Variants in PARD3 observed in about 807,000 individuals in gnomAD.
PARD3 encodes the protein par-3 family cell polarity regulator.
PARD3 carries 75 observed loss-of-function variants against 155.4 expected under a neutral mutation model. The ratio of observed to expected loss-of-function variants is 0.48; its 90% CI spans 0.40 to 0.58. PARD3 has a LOEUF of 0.58. PARD3 is among the 20% of genes least tolerant of loss of function. The probability of loss-of-function intolerance (pLI) is 0.00; values close to 1 mark genes in which losing one functional copy is unlikely to be tolerated. For synonymous variants in PARD3, 576 were observed against 610.5 expected, an observed-to-expected ratio of 0.94 and a Z score of 0.83; for missense variants, 1,642 against 1,721.7, an observed-to-expected ratio of 0.95 and a Z score of 0.82.
chr10:34,509,058 A>ACACTCTATATTACAAAGGAGTAT (rs2081252580), intron 3 of PARD3, among the ~76,000 whole-genome samples: 3 of 152,192 alleles, frequency 2.0e-5, no homozygotes, highest in Admixed American at 6.6e-5. Context: ...TGAAATGTAA[A>ACACTCTATATTACAAAGGAGTAT]CACTCTATAT....
chr10:34,516,546 G>A (rs954683530), intron 3 of PARD3, among the ~76,000 whole-genome samples: 2 of 152,078 alleles, frequency 1.3e-5, no homozygotes, highest in Non-Finnish European at 2.9e-5. Flanking sequence ...AGATAACTTT[G>A]ACACGGCGGT....
At chr10:34,161,397 A>G (rs1310181947) in intron 22 of PARD3, among the ~76,000 whole-genome samples, 3 of 152,106 alleles carry the variant, frequency 2.0e-5, no homozygotes, top group African/African-American at 4.8e-5. Context: ...TAAACATTAC[A>G]CTGTTACTCA....
At chr10:34,360,344 C>A in intron 12 of PARD3, 85 bp from the exon 13 acceptor site, 2 of 967,968 alleles carry the variant, frequency 2.1e-6, no homozygotes, top group Non-Finnish European at 1.6e-6. Flanking sequence ...ATGAGCAGTT[C>A]CTTAATCATA....
chr10:34,339,468 G>T (rs920722004), intron 16 of PARD3, among the ~76,000 whole-genome samples: 1 of 152,138 alleles, frequency 6.6e-6, no homozygotes, highest in African/African-American at 2.4e-5. Context: ...GTTGGTAAAA[G>T]ATTTTTCAAA....
intron 2 of PARD3, among the ~76,000 whole-genome samples, chr10:34,634,888 A>G (rs1381117674): frequency 6.6e-6 from 1 of 152,212 alleles, no homozygotes; most frequent in African/African-American, 2.4e-5. Flanking sequence ...GAATCTGAAC[A>G]TGAATGAGGT....
chr10:34,234,255 A>G (rs116929749), intron 22 of PARD3, among the ~76,000 whole-genome samples: 194 of 149,448 alleles, frequency 1.3e-3, no homozygotes, highest in Non-Finnish European at 2.4e-3. Flanking sequence ...GGCTGATACA[A>G]CTACTTTGTA....
chr10:34,692,900 C>T (rs945199861), intron 2 of PARD3, among the ~76,000 whole-genome samples: 6 of 152,210 alleles, frequency 3.9e-5, no homozygotes, highest in East Asian at 3.9e-4. Flanking sequence ...AGAACAAGAA[C>T]AGACGCTTTT....
chr10:34,722,767 T>C (rs1469221477), intron 1 of PARD3, among the ~76,000 whole-genome samples: 1 of 152,234 alleles, frequency 6.6e-6, no homozygotes, highest in Non-Finnish European at 1.5e-5. Context: ...CAAAACACAG[T>C]ATCTTCTTTA....
At chr10:34,153,654 G>A (rs952729157) in intron 22 of PARD3, among the ~76,000 whole-genome samples, 1 of 152,104 alleles carries the variant, frequency 6.6e-6, no homozygotes, top group African/African-American at 2.4e-5. Flanking sequence ...TAATTCAAAC[G>A]TCTTGTAGAA....
At chr10:34,469,134 G>C (rs1202100056) in intron 4 of PARD3, among the ~76,000 whole-genome samples, 1 of 152,188 alleles carries the variant, frequency 6.6e-6, no homozygotes, top group African/African-American at 2.4e-5. Flanking sequence ...TTGTTGAGAT[G>C]GAGTCTCACT....
chr10:34,666,816 T>TATATATATATACAC (rs765552982), intron 2 of PARD3, among the ~76,000 whole-genome samples: 7 of 88,802 alleles, frequency 7.9e-5, no homozygotes, highest in African/African-American at 1.9e-4. Context: ...TATATATATA[T>TATATATATATACAC]ACACACACAC....
intron 2 of PARD3, among the ~76,000 whole-genome samples, chr10:34,589,636 CA>C (rs35357373): frequency 0.076 from 6,402 of 84,170 alleles, 330 homozygotes; most frequent in African/African-American, 0.24. Context: ...AGTACATGTC[CA>C]AAAAAAAAAA....
intron 22 of PARD3, among the ~76,000 whole-genome samples, chr10:34,227,851 AT>A (rs995113507): frequency 0.023 from 767 of 32,776 alleles, 28 homozygotes; most frequent in Non-Finnish European, 0.036. Context: ...AATGGGAATT[AT>A]TTTTTATATA....
At chr10:34,768,793 C>T (rs564735664) in intron 1 of PARD3, among the ~76,000 whole-genome samples, 3 of 152,340 alleles carry the variant, frequency 2.0e-5, no homozygotes, top group African/African-American at 4.8e-5. Flanking sequence ...TCCTTGGCTG[C>T]CAGCCCTGGC....
intron 17 of PARD3, among the ~76,000 whole-genome samples, chr10:34,336,998 TAAAG>T (rs376216071): frequency 5.9e-5 from 9 of 152,272 alleles, no homozygotes; most frequent in African/African-American, 2.2e-4. Context: ...TTTTGTAAAA[TAAAG>T]ATACATGGAC....
At chr10:34,325,338 C>A (rs1481432397) in intron 19 of PARD3, among the ~76,000 whole-genome samples, 1 of 152,128 alleles carries the variant, frequency 6.6e-6, no homozygotes, top group Non-Finnish European at 1.5e-5. Context: ...CTGCCCCATA[C>A]ACACCAACCT....
intron 1 of PARD3, among the ~76,000 whole-genome samples, chr10:34,712,678 G>T (rs59558706): frequency 0.014 from 2,140 of 152,212 alleles, 47 homozygotes; most frequent in African/African-American, 0.049. Flanking sequence ...CATTAGGAAG[G>T]GAGACACTGT....
At chr10:34,678,430 A>T (rs2093752434) in intron 2 of PARD3, among the ~76,000 whole-genome samples, 1 of 152,226 alleles carries the variant, frequency 6.6e-6, no homozygotes, top group African/African-American at 2.4e-5. Context: ...AGAACTGTGA[A>T]ATTGGAGAAA....
rs181120177 is a variant in PARD3 at position 34,371,473 on chromosome 10, G to A, written c.1707+1025C>T. 8.4e-3 allele frequency among the ~76,000 whole-genome samples: 689 copies of A among 81,768 alleles called. 7 individuals carry two copies. Among genetic ancestry groups the A allele is most frequent in the African/African-American group, 0.027 (672 of 25,034 alleles). The allele number at this position is 81,768 out of a possible 152,430, so 53.6% of individuals were successfully genotyped here. On this transcript the variant is annotated intron_variant, in intron 12 of 24. Transcript: ENST00000374788. ...GCTGCAGTGAGCCATGAAATATGGT[G>A]AGATTCTAGACTCAAAAAAAAAAAA...
Sources: gnomAD v4.1 joint callset for allele counts (sites outside exome capture counted in the v4.1 genomes callset) on GRCh38, gnomAD v4.1.1 for gene constraint, MANE v1.5 for transcripts, NCBI Gene and HGNC (gene_info 2026-07-23, HGNC 2026-07-21) for gene names.